The following RNGTT variants were observed in gnomAD, a reference collection of about 807,000 sequenced individuals.
RNGTT encodes the protein RNA guanylyltransferase and 5'-phosphatase.
In RNGTT, 33 loss-of-function variants were observed where a neutral mutation model predicts 79.3. The observed-to-expected ratio is 0.42, with a 90% confidence interval of 0.32 to 0.56. The LOEUF (loss-of-function observed/expected upper bound fraction) is 0.56. Ranked by LOEUF, RNGTT falls within the 20% of genes least tolerant of loss-of-function variation. The pLI, the probability that RNGTT is intolerant of heterozygous loss-of-function variation, is 0.17. For synonymous variants in RNGTT, 222 were observed against 235.9 expected, an observed-to-expected ratio of 0.94 and a Z score of 0.54; for missense variants, 497 against 739.1, an observed-to-expected ratio of 0.67 and a Z score of 3.80.
At chr6:88,709,510 G>C (rs1275435224) in intron 13 of RNGTT, among the ~76,000 whole-genome samples, 1 of 152,182 alleles carries the variant, frequency 6.6e-6, no homozygotes, top group Non-Finnish European at 1.5e-5. Flanking sequence ...ATACAGATCA[G>C]TGCTGTTTAA....
At chr6:88,939,733 T>C (rs1363655110) in intron 2 of RNGTT, among the ~76,000 whole-genome samples, 2 of 151,796 alleles carry the variant, frequency 1.3e-5, no homozygotes, top group Non-Finnish European at 2.9e-5. Context: ...TGTCCTTACA[T>C]TGATATCTGC....
intron 12 of RNGTT, among the ~76,000 whole-genome samples, chr6:88,782,732 G>A (rs1419463686): frequency 6.6e-6 from 1 of 152,004 alleles, no homozygotes. Flanking sequence ...ATGGGTAAGG[G>A]CCCTGAATAG....
chr6:88,831,624 A>G (rs1301447268), intron 11 of RNGTT, among the ~76,000 whole-genome samples: 1 of 152,234 alleles, frequency 6.6e-6, no homozygotes, highest in African/African-American at 2.4e-5. Context: ...AAGTGTATTC[A>G]AATAAGAAGA....
intron 13 of RNGTT, among the ~76,000 whole-genome samples, chr6:88,725,865 G>T (rs1776881384): frequency 6.6e-6 from 1 of 152,066 alleles, no homozygotes; most frequent in African/African-American, 2.4e-5. Context: ...GCTGGCACAG[G>T]CAGGGAAAGA....
At chr6:88,960,814 G>A (rs1239087298) in intron 1 of RNGTT, among the ~76,000 whole-genome samples, 1 of 152,186 alleles carries the variant, frequency 6.6e-6, no homozygotes, top group East Asian at 1.9e-4. Flanking sequence ...TTTTCTTTCT[G>A]ATTCAGGAAA....
At chr6:88,811,526 G>C (rs1259768702) in intron 11 of RNGTT, among the ~76,000 whole-genome samples, 2 of 152,018 alleles carry the variant, frequency 1.3e-5, no homozygotes, top group South Asian at 2.1e-4. Context: ...CATAAGCAGA[G>C]AAACATAATG....
intron 6 of RNGTT, among the ~76,000 whole-genome samples, chr6:88,896,495 A>G (rs887833566): frequency 3.9e-4 from 59 of 152,222 alleles, no homozygotes; most frequent in Non-Finnish European, 6.6e-4. Context: ...GGAATCAGGA[A>G]GAGCCAATCT....
chr6:88,815,793 T>C (rs1780295322), intron 11 of RNGTT, among the ~76,000 whole-genome samples: 1 of 152,196 alleles, frequency 6.6e-6, no homozygotes, highest in Admixed American at 6.5e-5. Context: ...TTCACTTTAA[T>C]AGACATTGAT....
At chr6:88,949,143 T>TAAAAAAAAAA (rs1785139943) in intron 1 of RNGTT, among the ~76,000 whole-genome samples, 1 of 16,300 alleles carries the variant, frequency 6.1e-5, no homozygotes, top group African/African-American at 2.9e-4. Context: ...AAATAAAAAA[T>TAAAAAAAAAA]AAAATAAAAT....
chr6:88,827,171 C>T (rs1001235485), intron 11 of RNGTT, among the ~76,000 whole-genome samples: 2 of 151,986 alleles, frequency 1.3e-5, no homozygotes, highest in Non-Finnish European at 2.9e-5. Context: ...GTGATTTCTG[C>T]ATTTCTAACT....
rs140732182 is a variant in RNGTT, at chr6:88,915,578, G to C, written c.368-9138C>G. On this transcript the variant is annotated intron_variant, in intron 4 of 15. Transcript: ENST00000369485. ...TGGAGCTAAATTTTGGGTACACACAGACATAAAGACAGGAACAAACACTGG... is the reference window on the plus strand; with the variant it reads ...TGGAGCTAAATTTTGGGTACACACACACATAAAGACAGGAACAAACACTGG... Among the ~76,000 whole-genome samples, 643 of 152,236 alleles carry C rather than the reference G, an allele frequency of 4.2e-3. 1 individual carries two copies. The highest frequency in any genetic ancestry group is 0.017 in the Middle Eastern group (5 of 294).
intron 12 of RNGTT, among the ~76,000 whole-genome samples, chr6:88,779,291 T>TC (rs1341436029): frequency 6.6e-6 from 1 of 152,194 alleles, no homozygotes; most frequent in Non-Finnish European, 1.5e-5. Context: ...AGGCAAATCA[T>TC]CCTTTAGTTC....
At chr6:88,932,020 G>A (rs1784527439) in intron 2 of RNGTT, among the ~76,000 whole-genome samples, 1 of 152,090 alleles carries the variant, frequency 6.6e-6, no homozygotes, top group Non-Finnish European at 1.5e-5. Flanking sequence ...CTAACTGCCT[G>A]GGAGCCAGGC....
At chr6:88,949,159 G>GAAAAAAAAAAAAAAAAAAAAAAAAAAAA in intron 1 of RNGTT, among the ~76,000 whole-genome samples, 4 of 50,516 alleles carry the variant, frequency 7.9e-5, no homozygotes, top group Admixed American at 4.2e-4. Context: ...AAAATAAAAT[G>GAAAAAAAAAAAAAAAAAAAAAAAAAAAA]AAAAAAAAAA....
At chr6:88,693,983 C>T (rs1434104071) in intron 13 of RNGTT, among the ~76,000 whole-genome samples, 2 of 152,086 alleles carry the variant, frequency 1.3e-5, no homozygotes, top group African/African-American at 4.8e-5. Context: ...GACAGGCCAA[C>T]AGATAACATT....
At chr6:88,799,441 G>C (rs776447978) in intron 12 of RNGTT, among the ~76,000 whole-genome samples, 6 of 152,080 alleles carry the variant, frequency 3.9e-5, no homozygotes, top group African/African-American at 7.2e-5. Context: ...GCTCACACCT[G>C]TAATCCCAGC....
At chr6:88,857,565 A>T (rs1480354288) in intron 8 of RNGTT, among the ~76,000 whole-genome samples, 1 of 152,220 alleles carries the variant, frequency 6.6e-6, no homozygotes, top group Non-Finnish European at 1.5e-5. Flanking sequence ...TCCATCATTC[A>T]GCAAATAGGT....
At chr6:88,933,673 T>G (rs77165367) in intron 2 of RNGTT, among the ~76,000 whole-genome samples, 3,097 of 152,300 alleles carry the variant, frequency 0.02, 106 homozygotes, top group African/African-American at 0.069. Flanking sequence ...GTGGAATTTG[T>G]CTTTCTGTGT....
At chr6:88,888,472 A>G (rs1194650282) in intron 8 of RNGTT, among the ~76,000 whole-genome samples, 2 of 152,232 alleles carry the variant, frequency 1.3e-5, no homozygotes, top group African/African-American at 4.8e-5. Flanking sequence ...TTTATCCATC[A>G]AAAACACATA....
Sources: allele counts gnomAD v4.1 joint callset (sites outside exome capture counted in the v4.1 genomes callset), GRCh38; gene constraint gnomAD v4.1.1; transcripts MANE v1.5; gene names NCBI Gene and HGNC (gene_info 2026-07-23, HGNC 2026-07-21).